Variants in NLGN1 observed in about 807,000 individuals in gnomAD.
NLGN1 encodes the protein neuroligin 1.
In NLGN1, 12 loss-of-function variants were observed where a neutral mutation model predicts 65.5. The observed-to-expected ratio is 0.18, with a 90% CI of 0.12 to 0.30. NLGN1 has a LOEUF of 0.30. NLGN1 is among the 10% of genes least tolerant of loss of function. NLGN1 has a pLI of 1.00. For missense variants in NLGN1, 750 were observed against 1,007.1 expected, an observed-to-expected ratio of 0.74 and a Z score of 3.46; for synonymous variants, 350 against 359.5, an observed-to-expected ratio of 0.97 and a Z score of 0.30.
intron 2 of NLGN1, among the ~76,000 whole-genome samples, chr3:173,531,489 A>G (rs1444311622): frequency 6.6e-6 from 1 of 152,078 alleles, no homozygotes; most frequent in African/African-American, 2.4e-5. Flanking sequence ...AGCTATTTCT[A>G]GCACATATGA....
intron 4 of NLGN1, among the ~76,000 whole-genome samples, chr3:174,022,405 A>G (rs1285915162): frequency 6.6e-6 from 1 of 152,150 alleles, no homozygotes; most frequent in Non-Finnish European, 1.5e-5. Flanking sequence ...TCCCATTGCC[A>G]AGACAGCATT....
chr3:174,068,754 A>G (rs890559617), intron 4 of NLGN1, among the ~76,000 whole-genome samples: 4 of 152,174 alleles, frequency 2.6e-5, no homozygotes, highest in South Asian at 4.1e-4. Flanking sequence ...ATCAATCTCA[A>G]TAATCTTCTG....
chr3:173,605,809 G>C (rs145086219), intron 3 of NLGN1, among the ~76,000 whole-genome samples: 2 of 152,186 alleles, frequency 1.3e-5, no homozygotes, highest in East Asian at 1.9e-4. Context: ...TTGTGTTCTG[G>C]TGCTGGTAGC....
At chr3:173,975,002 T>C (rs1717098627) in intron 4 of NLGN1, among the ~76,000 whole-genome samples, 1 of 152,038 alleles carries the variant, frequency 6.6e-6, no homozygotes. Context: ...AATACAGTAG[T>C]GACCCAAGGA....
intron 4 of NLGN1, among the ~76,000 whole-genome samples, chr3:173,896,335 C>T (rs1269037652): frequency 6.6e-6 from 1 of 152,162 alleles, no homozygotes; most frequent in Non-Finnish European, 1.5e-5. Context: ...CCAGCTGATC[C>T]TTCTGTGAGC....
chr3:173,426,742 G>A (rs1716183180), intron 1 of NLGN1, among the ~76,000 whole-genome samples: 1 of 151,824 alleles, frequency 6.6e-6, no homozygotes, highest in African/African-American at 2.4e-5. Flanking sequence ...ATTTTGTTGA[G>A]GATTTCTGCA....
intron 2 of NLGN1, among the ~76,000 whole-genome samples, chr3:173,525,231 T>A (rs1245186377): frequency 2.6e-5 from 1 of 37,792 alleles, no homozygotes; most frequent in Non-Finnish European, 5.3e-5. Flanking sequence ...GGTGGGTTTT[T>A]TGTTGTTGTT....
chr3:173,623,959 T>C (rs1754418688), intron 3 of NLGN1, among the ~76,000 whole-genome samples: 1 of 152,146 alleles, frequency 6.6e-6, no homozygotes, highest in Non-Finnish European at 1.5e-5. Context: ...TAAATAACTT[T>C]ATTAGCCTTT....
intron 4 of NLGN1, among the ~76,000 whole-genome samples, chr3:174,146,151 T>TCCTC (rs1491017760): frequency 8.2e-5 from 11 of 134,344 alleles, no homozygotes; most frequent in African/African-American, 3.6e-4. Context: ...CTTCCTTCCT[T>TCCTC]CCTCTCTCCC....
chr3:173,843,697 A>T (rs1444893896), intron 4 of NLGN1, among the ~76,000 whole-genome samples: 1 of 152,166 alleles, frequency 6.6e-6, no homozygotes, highest in Admixed American at 6.6e-5. Context: ...CCTGGACTTT[A>T]TTGACCATAT....
At chr3:173,548,159 A>G (rs1479411479) in intron 2 of NLGN1, among the ~76,000 whole-genome samples, 1 of 152,062 alleles carries the variant, frequency 6.6e-6, no homozygotes, top group African/African-American at 2.4e-5. Context: ...TTGGCCCTTC[A>G]CTTACCATAT....
chr3:173,613,833 C>G (rs572193467), intron 3 of NLGN1, among the ~76,000 whole-genome samples: 1 of 151,702 alleles, frequency 6.6e-6, no homozygotes, highest in African/African-American at 2.4e-5. Flanking sequence ...TAAGCAATGA[C>G]GAAAAGAAAA....
rs183967771 is a variant in NLGN1 at position 174,062,500 on chromosome 3, A to T, written c.647-212815A>T. On this transcript the variant is annotated intron_variant, in intron 4 of 6. Coordinates refer to ENST00000457714, the Ensembl canonical transcript of NLGN1. ...CATCTTTTAAATTTTTGCTTTTAAA[A>T]AATTCTGATTAAATGCCAACTAAGA... Among the ~76,000 whole-genome samples, 608 of 152,222 alleles carry T rather than the reference A, an allele frequency of 4.0e-3. 2 individuals are homozygous for T. Among genetic ancestry groups the T allele is most frequent in the Non-Finnish European group, 6.2e-3 (424 of 67,968 alleles).
At chr3:173,541,058 G>A (rs1738781164) in intron 2 of NLGN1, among the ~76,000 whole-genome samples, 1 of 152,142 alleles carries the variant, frequency 6.6e-6, no homozygotes, top group East Asian at 1.9e-4. Flanking sequence ...CACTATGATA[G>A]CTGTACTGCT....
intron 2 of NLGN1, among the ~76,000 whole-genome samples, chr3:173,552,796 C>T (rs558514805): frequency 6.6e-6 from 1 of 152,220 alleles, no homozygotes; most frequent in East Asian, 1.9e-4. Context: ...GTCTCAGCAT[C>T]ATTTGTTTAT....
chr3:174,245,012 T>TA lies in NLGN1; in HGVS notation c.647-30300dup, dbSNP rs1432764891. On this transcript the variant is annotated intron_variant, in intron 4 of 6. Transcript: ENST00000457714. ...TATTGTCTGACATCTTGTATTTATT[T>TA]AAATTGTTGCTAGAAATTAGAGGGA... Among the ~76,000 whole-genome samples the TA allele has an allele frequency of 2.0e-5, 3 of 152,330 alleles. No individual in the cohort carries two copies. In the East Asian group the frequency reaches 5.8e-4, roughly 29 times the overall value.
downstream of NLGN1, chr3:174,286,657 A>AT (rs1752154743): frequency 1.3e-5 from 2 of 151,580 alleles, no homozygotes; most frequent in African/African-American, 4.8e-5. Context: ...TGTGTTGACT[A>AT]TTTTTAAACT....
chr3:173,892,237 G>C (rs1460595088), intron 4 of NLGN1, among the ~76,000 whole-genome samples: 1 of 137,102 alleles, frequency 7.3e-6, no homozygotes, highest in East Asian at 2.1e-4. Context: ...CCTTTGTTCT[G>C]CTTGGGCCTG....
chr3:174,248,982 G>A (rs576554455), intron 4 of NLGN1, among the ~76,000 whole-genome samples: 8 of 152,224 alleles, frequency 5.3e-5, no homozygotes, highest in Non-Finnish European at 7.4e-5. Context: ...CAGGAAATCT[G>A]CGATGCTGCT....
Sources: gnomAD v4.1 joint callset for allele counts (sites outside exome capture counted in the v4.1 genomes callset) on GRCh38, gnomAD v4.1.1 for gene constraint, MANE v1.5 for transcripts, NCBI Gene and HGNC (gene_info 2026-07-23, HGNC 2026-07-21) for gene names.